The following ATP9A variants were observed in gnomAD, a reference collection of about 807,000 sequenced individuals.
ATP9A encodes the protein probable phospholipid-transporting ATPase IIA.
A neutral mutation model predicts 144.1 loss-of-function variants in ATP9A; 52 were observed. That is an observed-to-expected ratio of 0.36 (90% CI 0.29 to 0.45). ATP9A has a LOEUF of 0.45. ATP9A is among the 20% of genes least tolerant of loss of function. The pLI is 1.00. For missense variants in ATP9A, 947 were observed against 1,392.7 expected, an observed-to-expected ratio of 0.68 and a Z score of 5.09; for synonymous variants, 582 against 557.4, an observed-to-expected ratio of 1.04 and a Z score of -0.62.
intron 9 of ATP9A, among the ~76,000 whole-genome samples, chr20:51,688,246 T>C (rs2077532049): frequency 6.6e-6 from 1 of 152,180 alleles, no homozygotes; most frequent in South Asian, 2.1e-4. Flanking sequence ...ACCACTGCTA[T>C]CGGGGGTCAT....
At chr20:51,632,679 A>G (rs1419771860) in intron 15 of ATP9A, among the ~76,000 whole-genome samples, 1 of 152,168 alleles carries the variant, frequency 6.6e-6, no homozygotes, top group Non-Finnish European at 1.5e-5. Context: ...CAAGGGGAGA[A>G]CTAGTCCAAA....
Position 51,597,896 on chromosome 20 carries a change from A to G in ATP9A, c.*3315T>C, listed in dbSNP as rs1423388455. On this transcript the variant is annotated 3_prime_UTR_variant, in exon 28 of 28. Coordinates refer to ENST00000338821, the MANE Select transcript of ATP9A (RefSeq NM_006045.3). ...TTTAAGATTTACTGTCACAAAAAAAAAAGGGTTTCACTTCAGGGGAGTGGA... is the reference window on the plus strand; with the variant it reads ...TTTAAGATTTACTGTCACAAAAAAAGAAGGGTTTCACTTCAGGGGAGTGGA... The G allele has an allele frequency of 4.6e-5, 7 of 152,030 alleles. No homozygotes were observed. The allele number at this position is 152,030 out of a possible 1,614,324, so 9.4% of individuals were successfully genotyped here.
intron 3 of ATP9A, among the ~76,000 whole-genome samples, chr20:51,718,470 A>G (rs893418034): frequency 6.6e-6 from 1 of 151,932 alleles, no homozygotes; most frequent in African/African-American, 2.4e-5. Flanking sequence ...GAACAGGAGC[A>G]GCTTTGGAGG....
chr20:51,630,858 T>C (rs548682881), intron 15 of ATP9A, among the ~76,000 whole-genome samples: 142 of 152,262 alleles, frequency 9.3e-4, no homozygotes, highest in African/African-American at 3.0e-3. Context: ...TGATGAAACA[T>C]ACAGCTTTCT....
At chr20:51,762,317 G>C (rs926915857) in intron 1 of ATP9A, among the ~76,000 whole-genome samples, 1 of 152,098 alleles carries the variant, frequency 6.6e-6, no homozygotes, top group Non-Finnish European at 1.5e-5. Context: ...CGGTCAACAC[G>C]GTGAAACCCC....
intron 1 of ATP9A, among the ~76,000 whole-genome samples, chr20:51,730,766 T>C (rs1293111088): frequency 6.6e-6 from 1 of 152,184 alleles, no homozygotes; most frequent in Non-Finnish European, 1.5e-5. Context: ...TATCTACATA[T>C]AGAAAAAATA....
At chr20:51,692,477 C>A (rs4811224) in intron 7 of ATP9A, among the ~76,000 whole-genome samples, 1 of 152,178 alleles carries the variant, frequency 6.6e-6, no homozygotes, top group Non-Finnish European at 1.5e-5. Context: ...GCCACCATCA[C>A]GTGAAGTGGG....
At chr20:51,728,390 G>A (rs973310194) in intron 2 of ATP9A, among the ~76,000 whole-genome samples, 12 of 152,136 alleles carry the variant, frequency 7.9e-5, no homozygotes, top group Non-Finnish European at 1.3e-4. Context: ...ACTTTGGGAG[G>A]CCAAGGTGGG....
chr20:51,690,499 T>C (rs925739004), intron 8 of ATP9A, among the ~76,000 whole-genome samples: 2 of 152,188 alleles, frequency 1.3e-5, no homozygotes, highest in African/African-American at 4.8e-5. Flanking sequence ...TCACATGAAT[T>C]GCAGCAAATG....
intron 2 of ATP9A, among the ~76,000 whole-genome samples, 157 bp from the exon 3 acceptor site, chr20:51,726,089 G>A (rs8124060): frequency 0.068 from 10,276 of 152,008 alleles, 790 homozygotes; most frequent in African/African-American, 0.19. Flanking sequence ...CGAGGCGAGC[G>A]GATCACCTGA....
chr20:51,629,952 C>T (rs975294145), intron 15 of ATP9A, among the ~76,000 whole-genome samples: 1 of 152,226 alleles, frequency 6.6e-6, no homozygotes, highest in African/African-American at 2.4e-5. Context: ...TTCCCAAGTC[C>T]CCCAGCCATA....
chr20:51,709,194 T>C (rs1456605620), intron 4 of ATP9A, among the ~76,000 whole-genome samples: 1 of 152,112 alleles, frequency 6.6e-6, no homozygotes, highest in African/African-American at 2.4e-5. Context: ...TATATGTATA[T>C]GGACATTGGG....
chr20:51,690,830 G>C lies in ATP9A; in HGVS notation c.643-11C>G. ...AATCTGAAGAAGGTCCTGTTCAACA[G>C]AAGGCACATTCGGGAGTCAAAGTCA... On this transcript the variant is annotated splice_polypyrimidine_tract_variant and intron_variant, in intron 7 of 27. Transcript: ENST00000338821. The C allele has an allele frequency of 6.2e-7, 1 of 1,613,114 alleles. No homozygotes were observed. The highest frequency in any genetic ancestry group is 8.5e-7 in the Non-Finnish European group (1 of 1,179,112).
intron 1 of ATP9A, among the ~76,000 whole-genome samples, chr20:51,731,591 C>T (rs1309473050): frequency 1.3e-5 from 2 of 151,780 alleles, no homozygotes; most frequent in Admixed American, 6.6e-5. Context: ...TGGTGGCAGA[C>T]GCCTATAATC....
intron 23 of ATP9A, among the ~76,000 whole-genome samples, chr20:51,610,642 A>G (rs551276594): frequency 1.3e-5 from 2 of 152,164 alleles, no homozygotes; most frequent in Admixed American, 1.3e-4. Flanking sequence ...ATGGGACTCA[A>G]GCCCAGCTGT....
chr20:51,626,085 G>A (rs549460364), intron 17 of ATP9A, among the ~76,000 whole-genome samples: 2 of 152,290 alleles, frequency 1.3e-5, no homozygotes, highest in East Asian at 1.9e-4. Flanking sequence ...CCAGAGACAC[G>A]GCAGTAAACA....
At chr20:51,695,677 G>T (rs545311215) in intron 6 of ATP9A, among the ~76,000 whole-genome samples, 2 of 152,156 alleles carry the variant, frequency 1.3e-5, no homozygotes, top group African/African-American at 4.8e-5. Context: ...CAGAAAAGAC[G>T]CCCACCTCTC....
At chr20:51,739,341 C>T (rs948154516) in intron 1 of ATP9A, among the ~76,000 whole-genome samples, 5 of 151,250 alleles carry the variant, frequency 3.3e-5, no homozygotes, top group Non-Finnish European at 7.4e-5. Flanking sequence ...TTCTATCCTA[C>T]ACTCACTCTT....
chr20:51,671,030 C>A, intron 12 of ATP9A, 85 bp downstream of exon 12: 1 of 1,494,718 alleles, frequency 6.7e-7, no homozygotes, highest in Non-Finnish European at 9.3e-7. Flanking sequence ...CTCATATGTC[C>A]AGAGAGAGCC....
Sources: gnomAD v4.1 joint callset for allele counts (sites outside exome capture counted in the v4.1 genomes callset) on GRCh38, gnomAD v4.1.1 for gene constraint, MANE v1.5 for transcripts, NCBI Gene and HGNC (gene_info 2026-07-23, HGNC 2026-07-21) for gene names.